The following MRPS9 variants were observed in gnomAD, a reference collection of about 807,000 sequenced individuals.
MRPS9 encodes mitochondrial ribosomal protein S9.
Under a neutral mutation model 59.9 loss-of-function variants are expected in MRPS9, and 45 were observed. The ratio of observed to expected loss-of-function variants is 0.75; its 90% CI spans 0.59 to 0.96. The LOEUF (loss-of-function observed/expected upper bound fraction) is 0.96, where lower values mean the gene tolerates loss of function less well. Ranked by LOEUF, MRPS9 falls within the 40% of genes least tolerant of loss-of-function variation. MRPS9 has a pLI of 0.00. For synonymous variants in MRPS9, 171 were observed against 166.8 expected, an observed-to-expected ratio of 1.03 and a Z score of -0.19; for missense variants, 473 against 481.1, an observed-to-expected ratio of 0.98 and a Z score of 0.16.
At chr2:105,053,289 G>C (rs1361276090) in intron 2 of MRPS9, among the ~76,000 whole-genome samples, 1 of 152,102 alleles carries the variant, frequency 6.6e-6, no homozygotes, top group African/African-American at 2.4e-5. Flanking sequence ...AATTTATATA[G>C]AGTAGCTATG....
At chr2:105,051,275 G>A (rs1286620286) in intron 2 of MRPS9, among the ~76,000 whole-genome samples, 1 of 152,150 alleles carries the variant, frequency 6.6e-6, no homozygotes, top group Non-Finnish European at 1.5e-5. Context: ...ACATTCAGTT[G>A]TTCCGGCATC....
intron 2 of MRPS9, among the ~76,000 whole-genome samples, chr2:105,064,613 A>G (rs1248208660): frequency 6.6e-6 from 1 of 152,164 alleles, no homozygotes; most frequent in Non-Finnish European, 1.5e-5. Flanking sequence ...AGTGACAAGG[A>G]TGGGGAGGGA....
chr2:105,088,465 A>G (rs1361931626), intron 5 of MRPS9, among the ~76,000 whole-genome samples: 1 of 152,138 alleles, frequency 6.6e-6, no homozygotes, highest in Non-Finnish European at 1.5e-5. Context: ...CAAATAAAAA[A>G]TATAATAGCT....
Position 105,065,556 on chromosome 2 carries a change from C to T in MRPS9, c.316-5757C>T, listed in dbSNP as rs373078041. Among the ~76,000 whole-genome samples the T allele has an allele frequency of 3.3e-5, 5 of 152,196 alleles. No individual in the cohort carries two copies. In the East Asian group the frequency reaches 7.7e-4, roughly 23 times the overall value. Reference sequence around the variant, plus strand: ...CAACTAGATAAAATTGATATCCTTGCACATCAGAATCACTGGGAGTGGTAG... The same window carrying T: ...CAACTAGATAAAATTGATATCCTTGTACATCAGAATCACTGGGAGTGGTAG... On this transcript the variant is annotated intron_variant, in intron 2 of 10. Transcript: ENST00000258455.
chr2:105,073,459 C>T (rs746247944), intron 4 of MRPS9, among the ~76,000 whole-genome samples: 3 of 152,072 alleles, frequency 2.0e-5, no homozygotes, highest in Non-Finnish European at 4.4e-5. Context: ...GCTTACCTAC[C>T]TACCTCCCAA....
intron 9 of MRPS9, among the ~76,000 whole-genome samples, chr2:105,095,999 A>G (rs540923479): frequency 2.6e-5 from 4 of 152,254 alleles, no homozygotes; most frequent in Admixed American, 2.6e-4. Context: ...AATAGATACT[A>G]CTTATAATAC....
chr2:105,074,860 A>C (rs1437732820), intron 4 of MRPS9, among the ~76,000 whole-genome samples: 1 of 152,204 alleles, frequency 6.6e-6, no homozygotes. Flanking sequence ...AATTTTGTGA[A>C]GGACGATTTC....
At chr2:105,078,602 A>G (rs1022918356) in intron 4 of MRPS9, among the ~76,000 whole-genome samples, 2 of 152,132 alleles carry the variant, frequency 1.3e-5, no homozygotes, top group African/African-American at 4.8e-5. Context: ...GCAAATAAGA[A>G]TTTGGTTTTT....
chr2:105,045,904 G>T (rs1378146130), intron 1 of MRPS9, among the ~76,000 whole-genome samples: 1 of 151,896 alleles, frequency 6.6e-6, no homozygotes, highest in Admixed American at 6.6e-5. Flanking sequence ...TCCCTCTGTT[G>T]CCCAGGCTGG....
At chr2:105,038,295 C>T in intron 1 of MRPS9, 68 bp downstream of exon 1, 2 of 1,555,770 alleles carry the variant, frequency 1.3e-6, no homozygotes, top group Non-Finnish European at 1.7e-6. Flanking sequence ...GCGCGGACAC[C>T]TTCCCCCAGC....
chr2:105,095,249 G>A (rs549961678), intron 9 of MRPS9, among the ~76,000 whole-genome samples: 21 of 152,252 alleles, frequency 1.4e-4, no homozygotes, highest in African/African-American at 4.3e-4. Flanking sequence ...GGTTAGCCAC[G>A]TAAGTGAAGT....
chr2:105,048,023 A>G (rs1397878036), intron 1 of MRPS9, among the ~76,000 whole-genome samples: 1 of 152,032 alleles, frequency 6.6e-6, no homozygotes, highest in Non-Finnish European at 1.5e-5. Flanking sequence ...CTATTTCTCC[A>G]CATCCTCTCC....
chr2:105,060,877 C>T (rs1329835251), intron 2 of MRPS9, among the ~76,000 whole-genome samples: 3 of 151,442 alleles, frequency 2.0e-5, no homozygotes, highest in East Asian at 2.0e-4. Flanking sequence ...TTTGGGAGGC[C>T]GAGGCGGGCA....
intron 2 of MRPS9, among the ~76,000 whole-genome samples, chr2:105,066,874 A>G (rs906187365): frequency 6.6e-6 from 1 of 152,090 alleles, no homozygotes; most frequent in Admixed American, 6.5e-5. Context: ...GTGTTTGGGA[A>G]AATCTTATTT....
chr2:105,053,593 ATAGT>A (rs1406104971), intron 2 of MRPS9, among the ~76,000 whole-genome samples: 2 of 152,224 alleles, frequency 1.3e-5, no homozygotes, highest in African/African-American at 4.8e-5. Flanking sequence ...TACGTTTTTA[ATAGT>A]TAGAGAAATC....
At chr2:105,076,678 T>C (rs1259530066) in intron 4 of MRPS9, among the ~76,000 whole-genome samples, 3 of 152,202 alleles carry the variant, frequency 2.0e-5, no homozygotes, top group African/African-American at 7.2e-5. Flanking sequence ...AGAATATACA[T>C]ACAGCTTTCA....
chr2:105,088,748 G>A (rs967191387), intron 5 of MRPS9, among the ~76,000 whole-genome samples: 4 of 151,990 alleles, frequency 2.6e-5, no homozygotes, highest in Non-Finnish European at 5.9e-5. Flanking sequence ...CTAAAGTTAA[G>A]TGTGCTGTGA....
chr2:105,079,306 TAG>T (rs1409373573), intron 4 of MRPS9, among the ~76,000 whole-genome samples: 6 of 126,546 alleles, frequency 4.7e-5, no homozygotes, highest in African/African-American at 1.9e-4. Context: ...GACACAGAGT[TAG>T]CATACAACAG....
At chr2:105,078,141 CTTTT>C (rs11421327) in intron 4 of MRPS9, among the ~76,000 whole-genome samples, 1 of 127,118 alleles carries the variant, frequency 7.9e-6, no homozygotes, top group African/African-American at 3.0e-5. Context: ...AATTCTAAGA[CTTTT>C]TTTTTTTTTT....
Sources: allele counts gnomAD v4.1 joint callset (sites outside exome capture counted in the v4.1 genomes callset), GRCh38; gene constraint gnomAD v4.1.1; transcripts MANE v1.5; gene names NCBI Gene and HGNC (gene_info 2026-07-23, HGNC 2026-07-21).